Variants in DDX60 observed in about 807,000 individuals in gnomAD.
The protein encoded by DDX60 is DExD/H-box helicase 60.
In DDX60, 165 loss-of-function variants were observed where a neutral mutation model predicts 212.8. The ratio of observed to expected loss-of-function variants is 0.78; its 90% CI spans 0.68 to 0.88. DDX60 has a LOEUF of 0.88. Ranked by LOEUF, DDX60 falls within the 40% of genes least tolerant of loss-of-function variation. The pLI, the probability that DDX60 is intolerant of heterozygous loss-of-function variation, is 0.00. For synonymous variants in DDX60, 703 were observed against 685.3 expected (o/e 1.03, Z -0.40); for missense variants, 1,905 against 2,003.9 (o/e 0.95, Z 0.94).
chr4:168,241,959 T>TA (rs1292482425), intron 30 of DDX60, among the ~76,000 whole-genome samples: 5 of 152,146 alleles, frequency 3.3e-5, no homozygotes, highest in Non-Finnish European at 7.4e-5. Context: ...GTCTGCTGTG[T>TA]AAAGTCTAGG....
intron 14 of DDX60, 43 bp downstream of exon 14, chr4:168,280,292 T>C: frequency 5.1e-6 from 8 of 1,565,128 alleles, no homozygotes; most frequent in Non-Finnish European, 6.9e-6. Flanking sequence ...TACATTTGTA[T>C]TAATTCTCCA....
intron 20 of DDX60, 138 bp downstream of exon 20, chr4:168,268,716 C>A: frequency 2.0e-6 from 1 of 488,852 alleles, no homozygotes; most frequent in East Asian, 3.3e-5. Flanking sequence ...TAGAGAGATG[C>A]AGTTTCTTGA....
At chr4:168,315,341 T>C (rs1008911962) in intron 1 of DDX60, among the ~76,000 whole-genome samples, 1 of 152,226 alleles carries the variant, frequency 6.6e-6, no homozygotes, top group Non-Finnish European at 1.5e-5. Context: ...TGCATCTAAA[T>C]AGTGATTCAA....
At chr4:168,224,470 AAGGGG>A (rs1733179286) in intron 34 of DDX60, 85 bp from the exon 35 acceptor site, 1 of 1,332,076 alleles carries the variant, frequency 7.5e-7, no homozygotes, top group Non-Finnish European at 1.1e-6. Context: ...ACCATGTTAC[AAGGGG>A]AGCCATTCAG....
chr4:168,240,873 G>A (rs375425573), intron 30 of DDX60, among the ~76,000 whole-genome samples: 31 of 152,158 alleles, frequency 2.0e-4, no homozygotes, highest in East Asian at 1.2e-3. Flanking sequence ...TCAGGACATC[G>A]GCATGGGCAA....
At chr4:168,296,427 G>C (rs17611592) in intron 6 of DDX60, among the ~76,000 whole-genome samples, 1 of 151,902 alleles carries the variant, frequency 6.6e-6, no homozygotes, top group Non-Finnish European at 1.5e-5. Context: ...ATTAAGTGGC[G>C]AAAGAGTAAA....
At chr4:168,284,646 TAAAG>T (rs776336012) in intron 12 of DDX60, among the ~76,000 whole-genome samples, 170 bp downstream of exon 12, 1 of 152,160 alleles carries the variant, frequency 6.6e-6, no homozygotes, top group Non-Finnish European at 1.5e-5. Context: ...CGACTGTCAA[TAAAG>T]AGAGAGAGAA....
At chr4:168,261,091 G>T in intron 24 of DDX60, 102 bp from the exon 25 acceptor site, 1 of 1,321,616 alleles carries the variant, frequency 7.6e-7, no homozygotes, top group Non-Finnish European at 1.0e-6. Context: ...ATATGTTTTT[G>T]GGTTTTTTTA....
chr4:168,257,817 G>A (rs916321549), intron 25 of DDX60, among the ~76,000 whole-genome samples: 2 of 152,186 alleles, frequency 1.3e-5, no homozygotes, highest in African/African-American at 4.8e-5. Context: ...AGCCACATAT[G>A]TATCTGAAGG....
chr4:168,293,941 T>A lies in DDX60; in HGVS notation c.728A>T (p.His243Leu), dbSNP rs1207226079. 2.5e-6 allele frequency: 4 copies of A among 1,596,848 alleles called. No homozygotes were observed. Among genetic ancestry groups the A allele is most frequent in the Non-Finnish European group, 3.4e-6 (4 of 1,175,814 alleles). The change falls in exon 7 of 38, where the codon CAC becomes CTC. Residue 243 changes from histidine (H) to leucine (L), a missense_variant. Physicochemically the swap from His to Leu is moderately conservative, Grantham distance 99. Transcript: ENST00000393743. ...TTGTGTAAGCAGAGATACAGTCTTG[T>A]GTGCCTGTCAAAGAAAAAAATTGTA... ...LKWNNITEEA[H>L]KTVSLLTQVW...
intron 29 of DDX60, among the ~76,000 whole-genome samples, chr4:168,247,876 T>G (rs1390559717): frequency 6.6e-6 from 1 of 152,206 alleles, no homozygotes; most frequent in Non-Finnish European, 1.5e-5. Context: ...ATGTCTATCT[T>G]CCATACAAAT....
chr4:168,307,912 TCTAC>T (rs1382687249), intron 4 of DDX60, 90 bp downstream of exon 4: 1 of 673,386 alleles, frequency 1.5e-6, no homozygotes, highest in African/African-American at 1.9e-5. Flanking sequence ...ATAGATATAA[TCTAC>T]TTTGTAATAA....
intron 29 of DDX60, 111 bp from the exon 30 acceptor site, chr4:168,246,729 T>A: frequency 8.8e-7 from 1 of 1,135,158 alleles, no homozygotes; most frequent in Non-Finnish European, 1.3e-6. Context: ...TGCATATGTC[T>A]AACCATTAAG....
chr4:168,298,021 T>C (rs868188943), intron 6 of DDX60, among the ~76,000 whole-genome samples: 1 of 151,074 alleles, frequency 6.6e-6, no homozygotes, highest in African/African-American at 2.4e-5. Context: ...CTGAGAAAAA[T>C]TAAAACTTCA....
At chr4:168,286,904 A>G in intron 10 of DDX60, 144 bp downstream of exon 10, 2 of 583,030 alleles carry the variant, frequency 3.4e-6, no homozygotes, top group East Asian at 6.2e-5. Flanking sequence ...CTCCAAGGAT[A>G]TAAGAATAAA....
At chr4:168,302,500 A>T in intron 5 of DDX60, 84 bp from the exon 6 acceptor site, 2 of 589,624 alleles carry the variant, frequency 3.4e-6, no homozygotes, top group Non-Finnish European at 5.4e-6. Context: ...CATATTTTAG[A>T]TATAATTATG....
At chr4:168,295,403 G>A (rs921361839) in intron 6 of DDX60, among the ~76,000 whole-genome samples, 2 of 152,162 alleles carry the variant, frequency 1.3e-5, no homozygotes, top group Non-Finnish European at 2.9e-5. Flanking sequence ...TCGCTGTCTT[G>A]GCCAATCCCT....
At chr4:168,219,374 T>C (rs1348060172) in intron 37 of DDX60, among the ~76,000 whole-genome samples, 1 of 152,104 alleles carries the variant, frequency 6.6e-6, no homozygotes, top group Non-Finnish European at 1.5e-5. Flanking sequence ...TCAATACTTC[T>C]TGGATGAATG....
At chr4:168,309,081 C>T (rs1737018502) in intron 3 of DDX60, among the ~76,000 whole-genome samples, 1 of 152,124 alleles carries the variant, frequency 6.6e-6, no homozygotes, top group Non-Finnish European at 1.5e-5. Context: ...ATAAAATTAA[C>T]TCTAGTACAT....
Sources: gnomAD v4.1 joint callset for allele counts (sites outside exome capture counted in the v4.1 genomes callset) on GRCh38, gnomAD v4.1.1 for gene constraint, MANE v1.5 for transcripts, NCBI Gene and HGNC (gene_info 2026-07-23, HGNC 2026-07-21) for gene names.